Variants in WDR64 observed in about 807,000 individuals in gnomAD.
The protein encoded by WDR64 is WD repeat domain 64.
A neutral mutation model predicts 139.3 loss-of-function variants in WDR64; 112 were observed. That is an observed-to-expected ratio of 0.80 (90% CI 0.69 to 0.94). The LOEUF is 0.94. WDR64 is among the 40% of genes least tolerant of loss of function. The pLI, the probability that WDR64 is intolerant of heterozygous loss-of-function variation, is 0.00. For synonymous variants in WDR64, 444 were observed against 437.7 expected (o/e 1.01, Z -0.18); for missense variants, 1,206 against 1,293.1 (o/e 0.93, Z 1.03).
chr1:241,712,031 G>C (rs1270597349), intron 9 of WDR64, 150 bp downstream of exon 9: 2 of 752,500 alleles, frequency 2.7e-6, no homozygotes, highest in Non-Finnish European at 2.1e-6. Flanking sequence ...GTCTGGATTT[G>C]ATAACATACT....
At chr1:241,740,034 G>A (rs989735042) in intron 11 of WDR64, among the ~76,000 whole-genome samples, 10 of 151,858 alleles carry the variant, frequency 6.6e-5, no homozygotes, top group Non-Finnish European at 1.2e-4. Context: ...TTTTTCATTT[G>A]ATCTGCACAG....
chr1:241,783,234 A>G, intron 22 of WDR64, 38 bp from the exon 23 acceptor site: 1 of 1,531,992 alleles, frequency 6.5e-7, no homozygotes, highest in Non-Finnish European at 9.0e-7. Flanking sequence ...ACTAGCATAT[A>G]GTTATTCCGA....
At chr1:241,693,058 T>C (rs1384244745) in intron 8 of WDR64, among the ~76,000 whole-genome samples, 1 of 152,168 alleles carries the variant, frequency 6.6e-6, no homozygotes, top group Non-Finnish European at 1.5e-5. Flanking sequence ...GTCATACTAC[T>C]TGGTATTTAC....
intron 2 of WDR64, among the ~76,000 whole-genome samples, chr1:241,666,383 A>G (rs544458470): frequency 2.6e-5 from 4 of 152,242 alleles, no homozygotes; most frequent in East Asian, 3.9e-4. Flanking sequence ...ATAATACCCA[A>G]ATTTTTCTCA....
At chr1:241,796,470 C>A (rs1659367546) in intron 27 of WDR64, 100 bp downstream of exon 27, 2 of 788,274 alleles carry the variant, frequency 2.5e-6, no homozygotes, top group Non-Finnish European at 3.9e-6. Context: ...ACATTCTGAA[C>A]CTAAAATCAT....
intron 11 of WDR64, among the ~76,000 whole-genome samples, chr1:241,740,528 G>A (rs1288885347): frequency 2.6e-5 from 4 of 152,164 alleles, no homozygotes; most frequent in Non-Finnish European, 5.9e-5. Context: ...TCCTAAAGTT[G>A]AGAATTCTTT....
At position 241,741,571 on chromosome 1, in the gene WDR64, G is replaced by C; in HGVS notation, c.1377G>C (p.Gln459His). 6.2e-7 allele frequency: 1 copy of C among 1,613,464 alleles called. No individual in the cohort carries two copies. Among genetic ancestry groups the C allele is most frequent in the Non-Finnish European group, 8.5e-7 (1 of 1,179,780 alleles). ...CTAGGATGATACAAGATACAAAACA[G>C]GTTCCTCACACTCATGAACGAGAAA... Reference protein sequence around the residue: ...PLTRMIQDTKQVPHTHEREIN... With the variant: ...PLTRMIQDTKHVPHTHEREIN... The change falls in exon 12 of 28, where the codon CAG (glutamine) becomes CAC (histidine). Residue 459 changes from glutamine to histidine, a missense_variant. Transcript: ENST00000437684.
rs76034495 is a variant in WDR64 at position 241,741,423 on chromosome 1, T to G, written c.1322-93T>G. On this transcript the variant is annotated intron_variant, in intron 11 of 27. Coordinates refer to ENST00000437684, the MANE Select transcript of WDR64 (RefSeq NM_001367482.1). ...GATTGATATTGCTAATCTCACTGTT[T>G]GGCTGTTTCCAAACCCAACTGCTTG... The G allele has an allele frequency of 2.7e-3, 2,922 of 1,063,982 alleles. 56 individuals are homozygous for G. The African/African-American group carries it at 0.043, about 16-fold the overall frequency. The allele number at this position is 1,063,982 out of a possible 1,614,324, so 65.9% of individuals were successfully genotyped here. A position where few individuals can be genotyped will look rare whatever the true frequency, so the allele number is the denominator to read the frequency against.
At chr1:241,741,882 A>G (rs1215758390) in intron 12 of WDR64, among the ~76,000 whole-genome samples, 1 of 152,220 alleles carries the variant, frequency 6.6e-6, no homozygotes, top group Non-Finnish European at 1.5e-5. Flanking sequence ...TCAATTGAAT[A>G]AACACAGCTA....
chr1:241,734,622 A>G (rs921705114), intron 10 of WDR64, among the ~76,000 whole-genome samples: 1 of 152,210 alleles, frequency 6.6e-6, no homozygotes, highest in Non-Finnish European at 1.5e-5. Flanking sequence ...TAACCAATCA[A>G]GCTAAACAGA....
intron 1 of WDR64, among the ~76,000 whole-genome samples, chr1:241,654,614 C>T (rs1296398245): frequency 6.6e-6 from 1 of 152,100 alleles, no homozygotes; most frequent in African/African-American, 2.4e-5. Flanking sequence ...TGTTCTCTCT[C>T]AGTCTTAGAG....
intron 27 of WDR64, among the ~76,000 whole-genome samples, chr1:241,800,168 A>G (rs569537415): frequency 6.6e-6 from 1 of 152,330 alleles, no homozygotes; most frequent in South Asian, 2.1e-4. Flanking sequence ...GCTGGGGTTT[A>G]GCAGGTTGAT....
chr1:241,731,177 A>T (rs1390197800), intron 10 of WDR64, among the ~76,000 whole-genome samples: 2 of 152,178 alleles, frequency 1.3e-5, no homozygotes, highest in East Asian at 3.9e-4. Flanking sequence ...ACAATAAATT[A>T]TGGAGCATTC....
chr1:241,730,796 T>C (rs1479315650), intron 10 of WDR64, among the ~76,000 whole-genome samples: 2 of 152,172 alleles, frequency 1.3e-5, no homozygotes, highest in African/African-American at 4.8e-5. Context: ...AAAAATCTAG[T>C]TGAGTAAATA....
At chr1:241,701,246 TTACACACACA>T (rs1667697586) in intron 8 of WDR64, among the ~76,000 whole-genome samples, 2 of 152,068 alleles carry the variant, frequency 1.3e-5, no homozygotes, top group Non-Finnish European at 2.9e-5. Context: ...GCCATTCCAT[TTACACACACA>T]TACACATGCG....
chr1:241,735,458 C>T (rs1242875522), intron 10 of WDR64, among the ~76,000 whole-genome samples: 2 of 150,858 alleles, frequency 1.3e-5, no homozygotes, highest in East Asian at 2.0e-4. Flanking sequence ...CTTGAAGATA[C>T]CCTCCTCTCC....
intron 2 of WDR64, among the ~76,000 whole-genome samples, chr1:241,661,011 C>T (rs1425007758): frequency 6.6e-6 from 1 of 152,124 alleles, no homozygotes; most frequent in Admixed American, 6.5e-5. Context: ...ATTTTCAGTG[C>T]ATCCAAATTA....
At chr1:241,777,518 A>G (rs1328719557) in intron 21 of WDR64, among the ~76,000 whole-genome samples, 1 of 151,692 alleles carries the variant, frequency 6.6e-6, no homozygotes, top group African/African-American at 2.4e-5. Flanking sequence ...CCCAGGTTCA[A>G]GCAATTTTCC....
intron 14 of WDR64, among the ~76,000 whole-genome samples, chr1:241,754,296 G>A (rs72770216): frequency 0.033 from 4,893 of 146,396 alleles, 122 homozygotes; most frequent in Middle Eastern, 0.098. Context: ...AACGTGCAGG[G>A]TTTTTTTTCC....
Sources: allele counts gnomAD v4.1 joint callset (sites outside exome capture counted in the v4.1 genomes callset), GRCh38; gene constraint gnomAD v4.1.1; transcripts MANE v1.5; gene names NCBI Gene and HGNC (gene_info 2026-07-23, HGNC 2026-07-21).